The following AKNAD1 variants were observed in gnomAD, a reference collection of about 807,000 sequenced individuals.
AKNAD1 encodes AKNA domain containing 1.
A neutral mutation model predicts 90.8 loss-of-function variants in AKNAD1; 67 were observed. The ratio of observed to expected loss-of-function variants is 0.74; its 90% CI spans 0.61 to 0.90. AKNAD1 has a LOEUF of 0.90. Among genes scored for constraint, AKNAD1 ranks in the 40% least tolerant of loss-of-function variants. AKNAD1 has a pLI of 0.00. For synonymous variants in AKNAD1, 327 were observed against 341.4 expected, an observed-to-expected ratio of 0.96 and a Z score of 0.46; for missense variants, 957 against 975.4, an observed-to-expected ratio of 0.98 and a Z score of 0.25.
chr1:108,832,293 G>A (rs1001180499), intron 9 of AKNAD1, among the ~76,000 whole-genome samples: 1 of 139,692 alleles, frequency 7.2e-6, no homozygotes, highest in African/African-American at 2.7e-5. Flanking sequence ...TTGGCTCACT[G>A]CAACCTCCAC....
rs1050027605 is a variant in AKNAD1 at position 108,817,144 on chromosome 1, TGA to T, written c.2281_2282del (p.Ser761ArgfsTer22). 6.2e-7 allele frequency: 1 copy of T among 1,614,062 alleles called. No homozygotes were observed. Among genetic ancestry groups the T allele is most frequent in the Non-Finnish European group, 8.5e-7 (1 of 1,180,028 alleles). Reference protein sequence around the residue: ...KKLQAFMTYSSDPATPSPHFY... With the variant: ...KKLQAFMTYSXDPATPSPHFY... Reference sequence around the variant, plus strand: ...AATGGGGTGAGGGTGTTGCAGGGTCTGAGCTGTAGGTCATGAAAGCCTGAAGT... The same window carrying T: ...AATGGGGTGAGGGTGTTGCAGGGTCTGCTGTAGGTCATGAAAGCCTGAAGT... On this transcript the variant is annotated frameshift_variant, in exon 15 of 16. Coordinates refer to ENST00000370001, the MANE Select transcript of AKNAD1 (RefSeq NM_152763.5). LOFTEE classifies it high-confidence loss of function.
chr1:108,854,795 C>G (rs1353613456), intron 1 of AKNAD1, among the ~76,000 whole-genome samples: 1 of 152,170 alleles, frequency 6.6e-6, no homozygotes, highest in African/African-American at 2.4e-5. Context: ...GTGAAAGGCA[C>G]AGTGGGAAAG....
At position 108,852,398 on chromosome 1, in the gene AKNAD1, T is replaced by C; in HGVS notation, c.267A>G (p.Lys89=). 1 of 1,613,992 alleles carries C rather than the reference T, an allele frequency of 6.2e-7. No individual in the cohort carries two copies. Among genetic ancestry groups the C allele is most frequent in the Non-Finnish European group, 8.5e-7 (1 of 1,179,966 alleles). The change falls in exon 2 of 16, where the codon AAA becomes AAG. Residue 89 remains lysine, a synonymous_variant. Transcript: ENST00000370001. ...NAANKKDEKE[K]QCTAALHIPA... ...GAATATGAAGAGCTGCAGTGCATTG[T>C]TTCTCTTTCTCGTCTTTTTTGTTGG... is the stretch of plus-strand genomic sequence containing the variant.
chr1:108,843,346 GTACCC>G (rs1398092613), intron 5 of AKNAD1, 79 bp from the exon 6 acceptor site: 1 of 1,544,644 alleles, frequency 6.5e-7, no homozygotes, highest in Non-Finnish European at 8.8e-7. Flanking sequence ...CAAAGCAGGT[GTACCC>G]TACAGTAGTG....
rs775020261 is a variant in AKNAD1 at position 108,823,432 on chromosome 1, T to G, written c.2105A>C (p.His702Pro). 1.2e-6 allele frequency: 2 copies of G among 1,614,214 alleles called. No homozygotes were observed. Among genetic ancestry groups the G allele is most frequent in the Non-Finnish European group, 1.7e-6 (2 of 1,180,020 alleles). The change falls in exon 13 of 16, where the codon CAT becomes CCT. Residue 702 changes from histidine (H) to proline (P), a missense_variant. Coordinates refer to ENST00000370001, the MANE Select transcript of AKNAD1 (RefSeq NM_152763.5). Reference protein sequence around the residue: ...YNTPGQNYSNHSKRGAFVQPH... With the variant: ...YNTPGQNYSNPSKRGAFVQPH... ...CTGGACAAAGGCACCTCTTTTGCTA[T>G]GATTTGAGTAATTCTGTCCTGGAGT...
rs769266154 is a variant in AKNAD1, at chr1:108,834,449, C to T, written c.1744G>A (p.Gly582Arg). 1.9e-6 allele frequency: 3 copies of T among 1,608,228 alleles called. No homozygotes were observed. The highest frequency in any genetic ancestry group is 4.5e-5 in the East Asian group (2 of 44,830). ...AGGCCCCGGCTGCAGGACATTACCC[C>T]AGAGTTAGAAGACAGCCTCATGGCC... ...QVAMRLSSNS[G>R]EDPNGTPRRQ... Residue 582 changes from glycine to arginine, a missense_variant and splice_region_variant, in exon 9 of 16, where the codon GGG becomes AGG. By Grantham distance (125) the Gly-to-Arg change is moderately radical. Coordinates refer to ENST00000370001, the MANE Select transcript of AKNAD1 (RefSeq NM_152763.5).
In AKNAD1 at chr1:108,851,860, T is replaced by C; in HGVS notation, c.805A>G (p.Lys269Glu). The C allele has an allele frequency of 6.2e-7, 1 of 1,613,698 alleles. No homozygotes were observed. Among genetic ancestry groups the C allele is most frequent in the South Asian group, 1.1e-5 (1 of 90,964 alleles). The stretch of plus-strand genomic sequence containing the variant: ...TTAATTATCTTATTTTTAGGAATTT[T>C]CACTTTGGGAGCAATCTTAGAGAAA... ...PDFSKIAPKV[K>E]IPKNKIINKP... Residue 269 changes from lysine to glutamate, a missense_variant, in exon 2 of 16, where the codon AAA becomes GAA. Coordinates refer to ENST00000370001, the MANE Select transcript of AKNAD1 (RefSeq NM_152763.5).
intron 9 of AKNAD1, among the ~76,000 whole-genome samples, chr1:108,832,490 G>C (rs1205646688): frequency 6.6e-6 from 1 of 151,758 alleles, no homozygotes; most frequent in African/African-American, 2.4e-5. Context: ...CTACCAAAGT[G>C]CTGGGATTAC....
intron 9 of AKNAD1, chr1:108,830,879 C>T (rs1002175061): frequency 2.2e-5 from 13 of 588,616 alleles, no homozygotes; most frequent in Non-Finnish European, 3.9e-5. Context: ...GGGGCTGCGC[C>T]TCTAATGGCC....
chr1:108,834,783 G>A, intron 8 of AKNAD1, 146 bp downstream of exon 8: 1 of 1,298,696 alleles, frequency 7.7e-7, no homozygotes, highest in Non-Finnish European at 1.0e-6. Flanking sequence ...GGTGGGGCAG[G>A]TGAGGAGCCA....
chr1:108,849,055 C>A lies in AKNAD1; in HGVS notation c.1039G>T (p.Glu347Ter). ...AACTTAGAGAGACTTGCCTCAGATT[C>A]TATTCCTATACAAGAAAGAACACAT... ...HIHQELLTGI[E>*]SEASLSKLSP... is the part of the protein sequence containing the mutation. The change falls in exon 4 of 16, where the codon GAA (glutamate) becomes TAA (stop). Residue 347 changes from glutamate (E) to a stop codon, truncating the protein, a stop_gained. Transcript: ENST00000370001. LOFTEE classifies it high-confidence loss of function. 6.3e-7 allele frequency: 1 copy of A among 1,592,042 alleles called. No homozygotes were observed.
At chr1:108,835,488 T>C (rs1664353553) in intron 7 of AKNAD1, among the ~76,000 whole-genome samples, 2 of 152,308 alleles carry the variant, frequency 1.3e-5, no homozygotes, top group South Asian at 4.1e-4. Flanking sequence ...AGAGGTTGCA[T>C]AACTTTCCTA....
rs1450499628 is a variant in AKNAD1, at chr1:108,826,736, C to CTTTTTTTTTT, written c.1936+468_1936+469insAAAAAAAAAA. Among the ~76,000 whole-genome samples the CTTTTTTTTTT allele has an allele frequency of 2.8e-4, 32 of 114,760 alleles. 1 individual carries two copies. Among genetic ancestry groups the CTTTTTTTTTT allele is most frequent in the African/African-American group, 2.6e-4 (7 of 26,612 alleles). 75.3% of individuals were successfully genotyped at this position (114,760 alleles called of 152,430 possible). ...AGTGATTCTTTTTTTCTTTTCTTTTCTTTTTCTTTTTTTTTTTTTTTGAAA... is the reference window on the plus strand; with the variant it reads ...AGTGATTCTTTTTTTCTTTTCTTTTCTTTTTTTTTTTTTTTCTTTTTTTTTTTTTTTGAAA... On this transcript the variant is annotated intron_variant, in intron 11 of 15. Transcript: ENST00000370001.
chr1:108,824,036 C>T (rs1663912501), intron 11 of AKNAD1, among the ~76,000 whole-genome samples: 1 of 152,190 alleles, frequency 6.6e-6, no homozygotes, highest in African/African-American at 2.4e-5. Context: ...CATAGTTGGC[C>T]TGATACATCC....
At chr1:108,841,443 T>C (rs948646264) in intron 6 of AKNAD1, among the ~76,000 whole-genome samples, 2 of 152,162 alleles carry the variant, frequency 1.3e-5, no homozygotes, top group African/African-American at 4.8e-5. Flanking sequence ...TAGAACCCCA[T>C]TTCTTGAATT....
At chr1:108,853,292 C>T (rs915594412) in intron 1 of AKNAD1, among the ~76,000 whole-genome samples, 15 of 152,124 alleles carry the variant, frequency 9.9e-5, no homozygotes, top group Non-Finnish European at 2.1e-4. Context: ...CCACCACGCC[C>T]AGCTAATTTT....
chr1:108,830,410 G>A, intron 10 of AKNAD1, 149 bp downstream of exon 10: 1 of 684,170 alleles, frequency 1.5e-6, no homozygotes, highest in South Asian at 1.8e-5. Context: ...TAGGGTGCGA[G>A]GGAGGCTGGG....
intron 7 of AKNAD1, among the ~76,000 whole-genome samples, chr1:108,835,760 G>T (rs989243138): frequency 3.3e-5 from 5 of 151,862 alleles, no homozygotes; most frequent in Non-Finnish European, 5.9e-5. Context: ...AAGTAGCTGG[G>T]ATTACAGGCG....
chr1:108,837,012 C>T (rs1487418054), intron 7 of AKNAD1: 1 of 152,408 alleles, frequency 6.6e-6, no homozygotes, highest in Non-Finnish European at 1.5e-5. Flanking sequence ...GGGCGGATCA[C>T]TTGAGGTCAG....
Sources: allele counts gnomAD v4.1 joint callset (sites outside exome capture counted in the v4.1 genomes callset), GRCh38; gene constraint gnomAD v4.1.1; transcripts MANE v1.5; gene names NCBI Gene and HGNC (gene_info 2026-07-23, HGNC 2026-07-21).